Variants in CLDN18 observed in about 807,000 individuals in gnomAD.
CLDN18 encodes the protein claudin 18, also known as claudin-18.
CLDN18 carries 20 observed loss-of-function variants against 25.0 expected under a neutral mutation model. That is an observed-to-expected ratio of 0.80 (90% confidence interval 0.56 to 1.16). CLDN18 has a LOEUF of 1.16. Among genes scored for constraint, CLDN18 ranks in the 50% most tolerant of loss-of-function variants. The pLI, the probability that CLDN18 is intolerant of heterozygous loss-of-function variation, is 0.00. For synonymous variants in CLDN18, 125 were observed against 135.6 expected, an observed-to-expected ratio of 0.92 and a Z score of 0.54; for missense variants, 297 against 345.4, an observed-to-expected ratio of 0.86 and a Z score of 1.11.
upstream of CLDN18, among the ~76,000 whole-genome samples, chr3:138,007,091 C>T (rs187234659): frequency 1.8e-4 from 27 of 151,942 alleles, no homozygotes; most frequent in East Asian, 4.6e-3. Flanking sequence ...TATGTATTGT[C>T]GGGGGAAGGT....
At chr3:138,005,155 C>T (rs1297268691) in intron 1 of CLDN18, 1 of 152,032 alleles carries the variant, frequency 6.6e-6, no homozygotes, top group Non-Finnish European at 1.5e-5. Context: ...TACAAACTGA[C>T]AATTCAAGAA....
At chr3:138,014,626 G>A (rs2107880909) in intron 1 of CLDN18, among the ~76,000 whole-genome samples, 1 of 152,230 alleles carries the variant, frequency 6.6e-6, no homozygotes, top group African/African-American at 2.4e-5. Context: ...CTGCCTATCT[G>A]AGTTGAGGGA....
exon 1 of CLDN18, chr3:137,998,816 A>T: frequency 6.4e-7 from 1 of 1,552,240 alleles, no homozygotes; most frequent in Non-Finnish European, 8.9e-7. Flanking sequence ...CGGTAGTCTC[A>T]GAATTGCGCT....
chr3:138,024,477 A>C (rs1310756630), intron 2 of CLDN18, 130 bp from the exon 3 acceptor site: 1 of 667,170 alleles, frequency 1.5e-6, no homozygotes, highest in East Asian at 2.5e-5. Flanking sequence ...GAATTCAATA[A>C]TCAATGCTTG....
rs997636071 is a variant in CLDN18 at position 138,031,967 on chromosome 3, G to A, written c.*826G>A. 6.6e-6 allele frequency: 1 copy of A among 152,146 alleles called. No homozygotes were observed. The highest frequency in any genetic ancestry group is 1.5e-5 in the Non-Finnish European group (1 of 68,024). The allele number at this position is 152,146 out of a possible 1,614,324, so 9.4% of individuals were successfully genotyped here. A position where few individuals can be genotyped will look rare whatever the true frequency, so the allele number is the denominator to read the frequency against. On this transcript the variant is annotated 3_prime_UTR_variant, in exon 5 of 5. Coordinates refer to ENST00000183605, the MANE Select transcript of CLDN18 (RefSeq NM_016369.4). ...ATAGCCTCACCCCTACATGTGGATA[G>A]AAGGAAATGAAAAAATAATTGCTTT...
intron 1 of CLDN18, among the ~76,000 whole-genome samples, chr3:138,019,353 C>A (rs1448092824): frequency 6.6e-6 from 1 of 152,218 alleles, no homozygotes; most frequent in Non-Finnish European, 1.5e-5. Context: ...CCTCTGGGGT[C>A]TGGCCTCAGA....
At chr3:138,030,894 A>G in intron 4 of CLDN18, 76 bp from the exon 5 acceptor site, 2 of 1,341,946 alleles carry the variant, frequency 1.5e-6, no homozygotes, top group Non-Finnish European at 2.1e-6. Context: ...CAAGACTGAG[A>G]CAGTTTATGG....
chr3:138,004,159 CA>C (rs906401469), intron 1 of CLDN18, among the ~76,000 whole-genome samples: 11 of 149,904 alleles, frequency 7.3e-5, no homozygotes, highest in South Asian at 2.1e-4. Flanking sequence ...GACTCCATCT[CA>C]AAAAAAAAAT....
chr3:138,030,413 T>G (rs1942377077), intron 4 of CLDN18, among the ~76,000 whole-genome samples: 1 of 152,236 alleles, frequency 6.6e-6, no homozygotes, highest in African/African-American at 2.4e-5. Context: ...TGAACTGGTG[T>G]GGGGACAGCT....
At chr3:137,999,019 C>T (rs769554093) in exon 1 of CLDN18, 4 of 1,614,162 alleles carry the variant, frequency 2.5e-6, no homozygotes, top group South Asian at 1.1e-5. Flanking sequence ...GGGGCTGTGG[C>T]GCTCCTGTGT....
At chr3:138,016,843 C>T (rs926822623) in intron 1 of CLDN18, among the ~76,000 whole-genome samples, 24 of 152,124 alleles carry the variant, frequency 1.6e-4, no homozygotes, top group African/African-American at 5.3e-4. Flanking sequence ...CACCTAAGGT[C>T]AGGATTTCGA....
chr3:138,029,768 A>G, intron 3 of CLDN18, 29 bp from the exon 4 acceptor site: 2 of 1,378,266 alleles, frequency 1.5e-6, no homozygotes, highest in Non-Finnish European at 2.0e-6. Context: ...TGAGTCAACC[A>G]TATTGACAGC....
At position 138,029,968 on chromosome 3, in the gene CLDN18, A is replaced by T. The variant is rs1174364444; in HGVS notation, c.614+61A>T. ...ATTTGTTCAGGGTCTATTTTAATGT[A>T]TAACTTGCAGCCAAAAAAAAAATCA... On this transcript the variant is annotated intron_variant, in intron 4 of 4. Transcript: ENST00000183605. 2.8e-6 allele frequency: 3 copies of T among 1,083,738 alleles called. No homozygotes were observed. The African/African-American group carries it at 4.7e-5, about 17-fold the overall frequency. The allele number at this position is 1,083,738 out of a possible 1,614,324, so 67.1% of individuals were successfully genotyped here. A position where few individuals can be genotyped will look rare whatever the true frequency, so the allele number is the denominator to read the frequency against.
upstream of CLDN18, chr3:138,010,093 C>T (rs1486512926): frequency 1.7e-5 from 24 of 1,397,994 alleles, no homozygotes; most frequent in Non-Finnish European, 2.2e-5. Flanking sequence ...AAGGAAAACA[C>T]TGTGAGCAAA....
chr3:138,009,737 A>T (rs558972337), upstream of CLDN18, among the ~76,000 whole-genome samples: 1 of 152,348 alleles, frequency 6.6e-6, no homozygotes, highest in South Asian at 2.1e-4. Context: ...AAGTGAAAAA[A>T]GTCGTTCATG....
At chr3:138,013,277 C>G (rs1942162943) in intron 1 of CLDN18, among the ~76,000 whole-genome samples, 1 of 152,142 alleles carries the variant, frequency 6.6e-6, no homozygotes. Flanking sequence ...TTTGTTCATC[C>G]AATCATGTAT....
chr3:138,004,505 G>A (rs1390272269), intron 1 of CLDN18: 1 of 151,998 alleles, frequency 6.6e-6, no homozygotes, highest in Non-Finnish European at 1.5e-5. Flanking sequence ...AACGCTGCCA[G>A]ATATTCAACC....
At chr3:138,019,721 G>A (rs960422178) in intron 1 of CLDN18, among the ~76,000 whole-genome samples, 4 of 152,138 alleles carry the variant, frequency 2.6e-5, no homozygotes, top group Non-Finnish European at 5.9e-5. Flanking sequence ...AGCTCCCCCA[G>A]AAGATGCTCA....
intron 1 of CLDN18, among the ~76,000 whole-genome samples, chr3:138,015,516 A>G (rs1362147780): frequency 6.6e-6 from 1 of 152,236 alleles, no homozygotes; most frequent in East Asian, 1.9e-4. Flanking sequence ...GCAGAGAAGT[A>G]AGCCTTAAAG....
Sources: allele counts gnomAD v4.1 joint callset (sites outside exome capture counted in the v4.1 genomes callset), GRCh38; gene constraint gnomAD v4.1.1; transcripts MANE v1.5; gene names NCBI Gene and HGNC (gene_info 2026-07-23, HGNC 2026-07-21).